Variants in SNX10 observed in about 807,000 individuals in gnomAD.
SNX10 encodes sorting nexin 10.
In SNX10, 25 loss-of-function variants were observed where a neutral mutation model predicts 28.5. That is an observed-to-expected ratio of 0.88 (90% confidence interval 0.64 to 1.22). The LOEUF (loss-of-function observed/expected upper bound fraction) is 1.22, where lower values mean the gene tolerates loss of function less well. Ranked by LOEUF, SNX10 falls within the 50% of genes most tolerant of loss-of-function variation. SNX10 has a pLI of 0.00. For synonymous variants in SNX10, 62 were observed against 81.4 expected, an observed-to-expected ratio of 0.76 and a Z score of 1.28; for missense variants, 223 against 242.6, an observed-to-expected ratio of 0.92 and a Z score of 0.54.
intron 1 of SNX10, among the ~76,000 whole-genome samples, chr7:26,298,632 C>T (rs1179992503): frequency 1.3e-5 from 2 of 152,178 alleles, no homozygotes; most frequent in Non-Finnish European, 2.9e-5. Flanking sequence ...AAGGAAGTTG[C>T]TCCAAATGAG....
At chr7:26,354,859 G>A (rs1353270405) in intron 2 of SNX10, among the ~76,000 whole-genome samples, 1 of 151,894 alleles carries the variant, frequency 6.6e-6, no homozygotes, top group Non-Finnish European at 1.5e-5. Flanking sequence ...TATGTGGATT[G>A]CCCTTTTGAG....
chr7:26,326,988 T>A (rs1171009062), intron 1 of SNX10, among the ~76,000 whole-genome samples: 1 of 150,166 alleles, frequency 6.7e-6, no homozygotes, highest in African/African-American at 2.5e-5. Context: ...TCTCGCTCTG[T>A]CACCCAGGCT....
At chr7:26,328,359 G>A (rs1482853541) in intron 1 of SNX10, among the ~76,000 whole-genome samples, 2 of 152,142 alleles carry the variant, frequency 1.3e-5, no homozygotes, top group South Asian at 2.1e-4. Context: ...GTGTGGATGG[G>A]CAGGGAGAAG....
chr7:26,298,124 A>G (rs770339254), intron 1 of SNX10, among the ~76,000 whole-genome samples: 1 of 144,716 alleles, frequency 6.9e-6, no homozygotes, highest in East Asian at 2.1e-4. Flanking sequence ...CAAGTTACTG[A>G]GGCAAGAGAA....
intron 5 of SNX10, among the ~76,000 whole-genome samples, chr7:26,367,453 C>A (rs951379173): frequency 6.6e-6 from 1 of 152,168 alleles, no homozygotes; most frequent in African/African-American, 2.4e-5. Flanking sequence ...GAACATTTGT[C>A]TACAAGTTAA....
intron 1 of SNX10, among the ~76,000 whole-genome samples, chr7:26,303,880 A>G (rs1786471083): frequency 6.6e-6 from 1 of 152,196 alleles, no homozygotes; most frequent in African/African-American, 2.4e-5. Flanking sequence ...ATAAACTACT[A>G]ATTCCCTGGT....
At chr7:26,325,560 T>A (rs2128002018) in intron 1 of SNX10, among the ~76,000 whole-genome samples, 1 of 147,456 alleles carries the variant, frequency 6.8e-6, no homozygotes, top group African/African-American at 2.5e-5. Context: ...TAACTTCAAG[T>A]GATCCGCCTG....
chr7:26,337,899 A>G (rs1468394821), intron 1 of SNX10, among the ~76,000 whole-genome samples: 1 of 152,214 alleles, frequency 6.6e-6, no homozygotes, highest in East Asian at 1.9e-4. Flanking sequence ...TGTTTTCTAT[A>G]GCAGCTGCAC....
intron 5 of SNX10, 120 bp from the exon 6 acceptor site, chr7:26,371,701 A>C: frequency 1.4e-6 from 1 of 707,898 alleles, no homozygotes; most frequent in Non-Finnish European, 2.4e-6. Context: ...CATAATTGAT[A>C]CAAAGTTTAC....
chr7:26,369,283 T>G (rs1347904481), intron 5 of SNX10, among the ~76,000 whole-genome samples: 1 of 152,192 alleles, frequency 6.6e-6, no homozygotes, highest in South Asian at 2.1e-4. Flanking sequence ...CTATTAGATT[T>G]GTTTGTGGAA....
chr7:26,347,121 A>G (rs1438802346), intron 2 of SNX10, among the ~76,000 whole-genome samples: 1 of 60,810 alleles, frequency 1.6e-5, no homozygotes, highest in East Asian at 7.1e-4. Flanking sequence ...GTGTGCACAC[A>G]CACGTGCACA....
At chr7:26,310,077 A>G (rs753849279) in intron 1 of SNX10, among the ~76,000 whole-genome samples, 4 of 152,222 alleles carry the variant, frequency 2.6e-5, no homozygotes, top group Non-Finnish European at 5.9e-5. Flanking sequence ...TTAGGAGGAA[A>G]GATAGAAAAC....
At chr7:26,366,961 T>C (rs1244880899) in intron 5 of SNX10, among the ~76,000 whole-genome samples, 3 of 152,186 alleles carry the variant, frequency 2.0e-5, no homozygotes, top group Non-Finnish European at 1.5e-5. Context: ...GCAGATGTCA[T>C]AGTAGAAAGT....
intron 1 of SNX10, among the ~76,000 whole-genome samples, chr7:26,333,784 G>A (rs567026366): frequency 3.9e-5 from 6 of 152,270 alleles, no homozygotes; most frequent in Non-Finnish European, 8.8e-5. Context: ...TCAGGAGGTT[G>A]TGTTCTCAGG....
At chr7:26,313,869 C>T (rs1265608223) in intron 1 of SNX10, among the ~76,000 whole-genome samples, 4 of 152,010 alleles carry the variant, frequency 2.6e-5, no homozygotes, top group East Asian at 1.9e-4. Flanking sequence ...AGTGGAGGCG[C>T]GATCTCGGCT....
chr7:26,368,426 T>C (rs1194743329), intron 5 of SNX10, among the ~76,000 whole-genome samples: 3 of 152,174 alleles, frequency 2.0e-5, no homozygotes, highest in Non-Finnish European at 4.4e-5. Context: ...GAAAAGAAAG[T>C]TATAGGCTAA....
chr7:26,346,993 C>G lies in SNX10; in HGVS notation c.24+527C>G, dbSNP rs985057343. 2.0e-5 allele frequency among the ~76,000 whole-genome samples: 3 copies of G among 152,356 alleles called. No individual in the cohort carries two copies. In the East Asian group the frequency reaches 5.8e-4, roughly 29 times the overall value. ...AGCGTAGGACAGCCCTCATGCCAGC[C>G]CCGGCTGAGTGTCCCTCCTTTGGCA... On this transcript the variant is annotated intron_variant, in intron 2 of 6. Transcript: ENST00000338523.
At chr7:26,340,121 G>A (rs976633419) in intron 1 of SNX10, among the ~76,000 whole-genome samples, 2 of 152,060 alleles carry the variant, frequency 1.3e-5, no homozygotes, top group Non-Finnish European at 2.9e-5. Context: ...TTGGTCAGTA[G>A]TTTACTTGTC....
chr7:26,354,420 AC>A (rs1399937845), intron 2 of SNX10, among the ~76,000 whole-genome samples: 1 of 152,166 alleles, frequency 6.6e-6, no homozygotes, highest in Non-Finnish European at 1.5e-5. Flanking sequence ...ATCTCAGCTC[AC>A]TGCAACCTCC....
Sources: gnomAD v4.1 joint callset for allele counts (sites outside exome capture counted in the v4.1 genomes callset) on GRCh38, gnomAD v4.1.1 for gene constraint, MANE v1.5 for transcripts, NCBI Gene and HGNC (gene_info 2026-07-23, HGNC 2026-07-21) for gene names.